Variants in PTGFR observed in about 807,000 individuals in gnomAD.
The protein encoded by PTGFR is prostaglandin F2-alpha receptor.
Under a neutral mutation model 26.2 loss-of-function variants are expected in PTGFR, and 15 were observed. The observed-to-expected ratio is 0.57, with a 90% CI of 0.38 to 0.88. The LOEUF is 0.88. Ranked by LOEUF, PTGFR falls within the 40% of genes least tolerant of loss-of-function variation. The pLI, the probability that PTGFR is intolerant of heterozygous loss-of-function variation, is 0.00. For missense variants in PTGFR, 369 were observed against 427.2 expected (o/e 0.86, Z 1.20); for synonymous variants, 165 against 151.1 (o/e 1.09, Z -0.68).
At chr1:78,494,383 C>T (rs1649492095) in intron 2 of PTGFR, among the ~76,000 whole-genome samples, 1 of 152,290 alleles carries the variant, frequency 6.6e-6, no homozygotes, top group East Asian at 1.9e-4. Context: ...AAAAACCCTT[C>T]TGTAGGGAGC....
intron 2 of PTGFR, among the ~76,000 whole-genome samples, chr1:78,514,658 G>T (rs533471424): frequency 6.6e-6 from 1 of 152,122 alleles, no homozygotes; most frequent in Admixed American, 6.5e-5. Context: ...GGGCCTAGGG[G>T]TGGAATGATA....
Position 78,493,091 on chromosome 1 carries a change from G to A in PTGFR, c.348G>A (p.Val116=). The A allele has an allele frequency of 6.2e-7, 1 of 1,614,222 alleles. No homozygotes were observed. The highest frequency in any genetic ancestry group is 8.5e-7 in the Non-Finnish European group (1 of 1,180,042). The change falls in exon 2 of 3, where the codon GTG becomes GTA. Residue 116 remains valine, a synonymous_variant. Coordinates refer to ENST00000370757, the MANE Select transcript of PTGFR (RefSeq NM_000959.4). ...VLCSIFGICM[V]FSGLCPLLLG... ...GCAGTATTTTTGGTATCTGCATGGT[G>A]TTTTCTGGTCTGTGCCCACTTCTTC... is the stretch of plus-strand genomic sequence containing the variant.
intron 1 of PTGFR, among the ~76,000 whole-genome samples, chr1:78,492,138 T>C (rs1218026783): frequency 6.6e-6 from 1 of 152,220 alleles, no homozygotes; most frequent in Non-Finnish European, 1.5e-5. Context: ...TAGAAACATA[T>C]TCAGAAAATC....
At chr1:78,518,194 G>A (rs1301846441) in intron 2 of PTGFR, among the ~76,000 whole-genome samples, 1 of 151,974 alleles carries the variant, frequency 6.6e-6, no homozygotes, top group African/African-American at 2.4e-5. Context: ...TATGTTTTGT[G>A]GGAAAATTAT....
chr1:78,537,197 A>G lies in PTGFR; in HGVS notation c.*510A>G, dbSNP rs1236063445. 6.5e-6 allele frequency: 1 copy of G among 152,682 alleles called. No homozygotes were observed. Among genetic ancestry groups the G allele is most frequent in the African/African-American group, 2.4e-5 (1 of 41,418 alleles). 9.5% of individuals were successfully genotyped at this position (152,682 alleles called of 1,614,324 possible). ...ATGGTCATGACACCCAGAATTCATG[A>G]TGGTTTGTTATAACAACCTCTGCAT... On this transcript the variant is annotated 3_prime_UTR_variant, in exon 3 of 3. Transcript: ENST00000370757.
At chr1:78,536,130 A>G (rs549058582) in intron 2 of PTGFR, among the ~76,000 whole-genome samples, 3 of 152,156 alleles carry the variant, frequency 2.0e-5, no homozygotes, top group African/African-American at 4.8e-5. Flanking sequence ...AGTTACTGGT[A>G]TCAGTGTTTG....
intron 2 of PTGFR, among the ~76,000 whole-genome samples, chr1:78,527,251 A>G (rs1175250110): frequency 6.6e-6 from 1 of 152,090 alleles, no homozygotes; most frequent in African/African-American, 2.4e-5. Flanking sequence ...TTTATGATTT[A>G]AAAAAGTAAT....
chr1:78,497,987 T>C (rs1307927839), intron 2 of PTGFR: 2 of 1,418,928 alleles, frequency 1.4e-6, no homozygotes, highest in African/African-American at 1.4e-5. Context: ...AATGTAGAAT[T>C]GGAGCTTGAT....
chr1:78,493,429 G>T lies in PTGFR; in HGVS notation c.686G>T (p.Arg229Ile), dbSNP rs778857364. Reference sequence around the variant, plus strand: ...GCAATCACAGGAATTACACTTTTAAGAGTTAAATTTAAAAGTCAGCAGCAC... The same window carrying T: ...GCAATCACAGGAATTACACTTTTAATAGTTAAATTTAAAAGTCAGCAGCAC... Reference protein sequence around the residue: ...CNAITGITLLRVKFKSQQHRQ... With the variant: ...CNAITGITLLIVKFKSQQHRQ... The change falls in exon 2 of 3, where the codon AGA (arginine) becomes ATA (isoleucine). Residue 229 changes from arginine (R) to isoleucine (I), a missense_variant. By Grantham distance (97) the Arg-to-Ile change is moderately conservative. Coordinates refer to ENST00000370757, the MANE Select transcript of PTGFR (RefSeq NM_000959.4). The T allele has an allele frequency of 1.2e-6, 2 of 1,612,934 alleles. No individual in the cohort carries two copies. The highest frequency in any genetic ancestry group is 1.7e-6 in the Non-Finnish European group (2 of 1,179,390).
At chr1:78,511,775 A>G (rs906110881) in intron 2 of PTGFR, among the ~76,000 whole-genome samples, 2 of 152,088 alleles carry the variant, frequency 1.3e-5, no homozygotes, top group Non-Finnish European at 2.9e-5. Flanking sequence ...GATTTTTTCA[A>G]ATGTTTATCC....
At chr1:78,502,264 T>A (rs563618512) in intron 2 of PTGFR, among the ~76,000 whole-genome samples, 1 of 152,290 alleles carries the variant, frequency 6.6e-6, no homozygotes, top group African/African-American at 2.4e-5. Flanking sequence ...AAGGAACTTA[T>A]AATTTATTTG....
chr1:78,529,862 A>T (rs901886445), intron 2 of PTGFR, among the ~76,000 whole-genome samples: 2 of 152,134 alleles, frequency 1.3e-5, no homozygotes, highest in African/African-American at 4.8e-5. Flanking sequence ...GCGGCATTAG[A>T]TTCTCATAGG....
chr1:78,512,743 G>T (rs373080824), intron 2 of PTGFR, among the ~76,000 whole-genome samples: 1 of 152,152 alleles, frequency 6.6e-6, no homozygotes, highest in Non-Finnish European at 1.5e-5. Flanking sequence ...AGCATTAGAG[G>T]TGGGGCCTGG....
At chr1:78,507,765 G>T (rs1649862008) in intron 2 of PTGFR, among the ~76,000 whole-genome samples, 4 of 152,130 alleles carry the variant, frequency 2.6e-5, no homozygotes, top group Admixed American at 2.0e-4. Flanking sequence ...TTGGTATTTT[G>T]ATTGATTTCT....
rs1650773166 is a variant in PTGFR, at chr1:78,540,626, C to T, written c.*3939C>T. ...AAAAATTCAGGCAATTGAAACATTT[C>T]TGTATAATACCAAGCATTGTTGCAG... is the stretch of plus-strand genomic sequence containing the variant. On this transcript the variant is annotated 3_prime_UTR_variant, in exon 3 of 3. Coordinates refer to ENST00000370757, the MANE Select transcript of PTGFR (RefSeq NM_000959.4). 6.6e-6 allele frequency among the ~76,000 whole-genome samples: 1 copy of T among 152,100 alleles called. No individual in the cohort carries two copies. The highest frequency in any genetic ancestry group is 1.5e-5 in the Non-Finnish European group (1 of 67,992).
At chr1:78,529,266 A>G (rs1343467008) in intron 2 of PTGFR, among the ~76,000 whole-genome samples, 3 of 152,178 alleles carry the variant, frequency 2.0e-5, no homozygotes, top group African/African-American at 7.2e-5. Context: ...GTAGCCTTTT[A>G]TTCCTGAATC....
chr1:78,513,939 A>G (rs1185977656), intron 2 of PTGFR, among the ~76,000 whole-genome samples: 2 of 152,252 alleles, frequency 1.3e-5, no homozygotes, highest in Non-Finnish European at 2.9e-5. Context: ...GCCTGTAGGC[A>G]CACAGAATGC....
intron 2 of PTGFR, among the ~76,000 whole-genome samples, chr1:78,535,734 C>A (rs1057212769): frequency 1.3e-5 from 2 of 151,998 alleles, no homozygotes; most frequent in Non-Finnish European, 2.9e-5. Context: ...CATGGGTGGT[C>A]AGGAAATGGA....
At chr1:78,497,874 G>T (rs1465533977) in intron 2 of PTGFR, 2 of 1,574,326 alleles carry the variant, frequency 1.3e-6, no homozygotes, top group Admixed American at 1.7e-5. Context: ...TTCTCTTCAG[G>T]GATACAGAAT....
Sources: allele counts gnomAD v4.1 joint callset (sites outside exome capture counted in the v4.1 genomes callset), GRCh38; gene constraint gnomAD v4.1.1; transcripts MANE v1.5; gene names NCBI Gene and HGNC (gene_info 2026-07-23, HGNC 2026-07-21).